The following ANTXRL variants were observed in gnomAD, a reference collection of about 807,000 sequenced individuals.
The protein encoded by ANTXRL is anthrax toxin receptor-like.
In ANTXRL, 63 loss-of-function variants were observed where a neutral mutation model predicts 75.4. The ratio of observed to expected loss-of-function variants is 0.84; its 90% CI spans 0.68 to 1.03. The LOEUF (loss-of-function observed/expected upper bound fraction) is 1.03, where lower values mean the gene tolerates loss of function less well. Ranked by LOEUF, ANTXRL falls within the 50% of genes least tolerant of loss-of-function variation. The pLI is 0.00. For synonymous variants in ANTXRL, 335 were observed against 291.3 expected (o/e 1.15, Z -1.53); for missense variants, 797 against 789.4 (o/e 1.01, Z -0.12).
At chr10:46,298,995 C>T (rs552336367) in intron 9 of ANTXRL, among the ~76,000 whole-genome samples, 17 of 151,878 alleles carry the variant, frequency 1.1e-4, no homozygotes, top group East Asian at 3.9e-4. Context: ...AACCTCACAA[C>T]GGTAAGTTTA....
chr10:46,304,755 C>T (rs1355972094), intron 10 of ANTXRL, among the ~76,000 whole-genome samples: 2 of 152,152 alleles, frequency 1.3e-5, no homozygotes, highest in Non-Finnish European at 2.9e-5. Flanking sequence ...CAGGGCCATA[C>T]AGTCCATGTT....
At chr10:46,298,813 G>A (rs1159422447) in intron 9 of ANTXRL, among the ~76,000 whole-genome samples, 2 of 151,404 alleles carry the variant, frequency 1.3e-5, no homozygotes, top group Non-Finnish European at 2.9e-5. Flanking sequence ...TCGGGTGTGT[G>A]GTGTGTGGTG....
intron 16 of ANTXRL, among the ~76,000 whole-genome samples, chr10:46,316,363 C>G (rs1838724917): frequency 1.3e-5 from 2 of 152,044 alleles, no homozygotes; most frequent in Non-Finnish European, 2.9e-5. Context: ...TGCCATAACT[C>G]TATTGTGGGG....
chr10:46,298,025 T>C lies in ANTXRL; in HGVS notation c.759T>C (p.Asp253=). The C allele has an allele frequency of 6.5e-7, 1 of 1,529,466 alleles. No individual in the cohort carries two copies. Among genetic ancestry groups the C allele is most frequent in the Non-Finnish European group, 8.8e-7 (1 of 1,141,458 alleles). The allele number at this position is 1,529,466 out of a possible 1,614,324, so 94.7% of individuals were successfully genotyped here. The change falls in exon 9 of 17, where the codon GAT becomes GAC. Residue 253 remains aspartate, a synonymous_variant. Transcript: ENST00000620264. The part of the protein sequence containing the change: ...IDALTSKVCL[D]VTSVEPSSEC... ...AGCTCACGTCAAAGGTCTGTCTTGA[T>C]GTGACATCGGTGGAGCCTTCCTCTG...
Position 46,320,494 on chromosome 10 carries a change from G to T in ANTXRL, c.1410+7178G>T, listed in dbSNP as rs143712980. Among the ~76,000 whole-genome samples, 3 of 152,280 alleles carry T rather than the reference G, an allele frequency of 2.0e-5. No homozygotes were observed. The East Asian group carries it at 5.8e-4, about 29-fold the overall frequency. ...CTCCTGTAATCCCAACACTTTGGGAGGCCTAGGTGGGCATATTGCTTGAGT... is the reference window on the plus strand; with the variant it reads ...CTCCTGTAATCCCAACACTTTGGGATGCCTAGGTGGGCATATTGCTTGAGT... On this transcript the variant is annotated intron_variant, in intron 16 of 16. Coordinates refer to ENST00000620264, the MANE Select transcript of ANTXRL (RefSeq NM_001278688.3).
Position 46,296,379 on chromosome 10 carries a change from T to G in ANTXRL, c.508+127T>G, listed in dbSNP as rs1444500039. The G allele has an allele frequency of 8.8e-6, 9 of 1,019,798 alleles. No homozygotes were observed. The African/African-American group carries it at 1.4e-4, about 16-fold the overall frequency. The allele number at this position is 1,019,798 out of a possible 1,614,324, so 63.2% of individuals were successfully genotyped here. Reference sequence around the variant, plus strand: ...TGCCTCTTGGAGCAAGTTGCTCACCTGCTCTGAGCTCCAGGTCCCTCCCTG... The same window carrying G: ...TGCCTCTTGGAGCAAGTTGCTCACCGGCTCTGAGCTCCAGGTCCCTCCCTG... On this transcript the variant is annotated intron_variant, in intron 5 of 16. Transcript: ENST00000620264.
chr10:46,318,578 T>C (rs1380578384), intron 16 of ANTXRL, among the ~76,000 whole-genome samples: 2 of 152,122 alleles, frequency 1.3e-5, no homozygotes, highest in African/African-American at 4.8e-5. Flanking sequence ...AGACTTGCCT[T>C]ATCCAATGTT....
chr10:46,288,089 C>T (rs1270885040), intron 1 of ANTXRL, among the ~76,000 whole-genome samples: 1 of 152,112 alleles, frequency 6.6e-6, no homozygotes, highest in African/African-American at 2.4e-5. Context: ...CCTGGGGAAG[C>T]TGGGCTACGT....
chr10:46,297,733 C>A, intron 7 of ANTXRL, 98 bp from the exon 8 acceptor site: 3 of 1,111,928 alleles, frequency 2.7e-6, no homozygotes, highest in South Asian at 2.7e-5. Flanking sequence ...CATTCTGCTG[C>A]CCCCAAAGCA....
In ANTXRL at chr10:46,308,450, C is replaced by A. The variant is rs369417929; in HGVS notation, c.1045-663C>A. The stretch of plus-strand genomic sequence containing the variant: ...CTCCTCTCCACTCCCCTCCCCTCCC[C>A]TCTCCAGCCTTCTCTTAAGTAGAGC... On this transcript the variant is annotated intron_variant, in intron 12 of 16. Transcript: ENST00000620264. 1.7e-3 allele frequency: 735 copies of A among 443,460 alleles called. 9 individuals carry two copies. The highest frequency in any genetic ancestry group is 0.013 in the African/African-American group (647 of 48,800). 27.5% of individuals were successfully genotyped at this position (443,460 alleles called of 1,614,324 possible).
At chr10:46,300,181 C>G (rs192196399) in intron 9 of ANTXRL, among the ~76,000 whole-genome samples, 1 of 152,030 alleles carries the variant, frequency 6.6e-6, no homozygotes, top group South Asian at 2.1e-4. Flanking sequence ...TCACGTGGCC[C>G]GGCAGTCACA....
At chr10:46,302,853 T>C (rs782341673) in intron 10 of ANTXRL, 33 bp downstream of exon 10, 199 of 1,440,964 alleles carry the variant, frequency 1.4e-4, no homozygotes, top group Non-Finnish European at 9.4e-6. Context: ...CTGAGTCACG[T>C]ATTTCCCACA....
Position 46,293,813 on chromosome 10 carries a change from C to T in ANTXRL, c.321-16C>T, listed in dbSNP as rs1385768973. ...CTGTGCCACTGGCTTCTCACCAGCA[C>T]ATGATTCCTTCACAGCCCAAATATT... On this transcript the variant is annotated splice_polypyrimidine_tract_variant and intron_variant, in intron 2 of 16. Transcript: ENST00000620264. 3 of 1,535,004 alleles carry T rather than the reference C, an allele frequency of 2.0e-6. No homozygotes were observed. Among genetic ancestry groups the T allele is most frequent in the South Asian group, 1.2e-5 (1 of 84,016 alleles).
intron 5 of ANTXRL, among the ~76,000 whole-genome samples, chr10:46,296,716 A>T (rs1837399826): frequency 6.6e-6 from 1 of 152,044 alleles, no homozygotes. Context: ...AGGGCTGGAG[A>T]GGAAAGGCGT....
intron 16 of ANTXRL, among the ~76,000 whole-genome samples, chr10:46,320,378 A>G (rs1051741006): frequency 6.6e-6 from 1 of 152,142 alleles, no homozygotes; most frequent in Non-Finnish European, 1.5e-5. Context: ...GACCCAATAT[A>G]GGCCCTTAGG....
At chr10:46,310,593 A>T (rs568437912) in intron 14 of ANTXRL, 94 bp downstream of exon 14, 1 of 1,323,014 alleles carries the variant, frequency 7.6e-7, no homozygotes, top group Non-Finnish European at 1.0e-6. Context: ...CATGATCTCC[A>T]TCTGCTTGAG....
chr10:46,313,250 C>A lies in ANTXRL; in HGVS notation c.1344C>A (p.Thr448=). 3.9e-6 allele frequency: 6 copies of A among 1,535,860 alleles called. No individual in the cohort carries two copies. Among genetic ancestry groups the A allele is most frequent in the South Asian group, 2.4e-5 (2 of 84,054 alleles). The change falls in exon 16 of 17, where the codon ACC becomes ACA. Residue 448 remains threonine (T), a synonymous_variant. Transcript: ENST00000620264. Reference sequence around the variant, plus strand: ...TTGCTTTTCAGGGCAATCTGGATACCTTTTGTGACCTCTCTCACGCAAGCT... The same window carrying A: ...TTGCTTTTCAGGGCAATCTGGATACATTTTGTGACCTCTCTCACGCAAGCT... The part of the protein sequence containing the change: ...GMRRIEGNLD[T]FCDLSHASCH...
chr10:46,297,333 G>A lies in ANTXRL; in HGVS notation c.585+5G>A. ...TTTCAGGACACTCTCAGAGAAGTGA[G>A]TCCAGTTCATACTTACCAGCATTTT... On this transcript the variant is annotated splice_donor_5th_base_variant and intron_variant, in intron 6 of 16. Transcript: ENST00000620264. The A allele has an allele frequency of 6.5e-7, 1 of 1,536,402 alleles. No individual in the cohort carries two copies. Among genetic ancestry groups the A allele is most frequent in the Non-Finnish European group, 8.7e-7 (1 of 1,146,794 alleles).
At chr10:46,291,776 C>G (rs1836996966) in intron 1 of ANTXRL, among the ~76,000 whole-genome samples, 1 of 152,184 alleles carries the variant, frequency 6.6e-6, no homozygotes, top group Non-Finnish European at 1.5e-5. Flanking sequence ...AGTGCCCCAC[C>G]TAACCTGATC....
Sources: gnomAD v4.1 joint callset for allele counts (sites outside exome capture counted in the v4.1 genomes callset) on GRCh38, gnomAD v4.1.1 for gene constraint, MANE v1.5 for transcripts, NCBI Gene and HGNC (gene_info 2026-07-23, HGNC 2026-07-21) for gene names.